Variants in KREMEN1 observed in about 807,000 individuals in gnomAD.
KREMEN1 encodes kringle containing transmembrane protein 1.
Under a neutral mutation model 46.5 loss-of-function variants are expected in KREMEN1, and 30 were observed. The observed-to-expected ratio is 0.65, with a 90% confidence interval of 0.48 to 0.88. KREMEN1 has a LOEUF of 0.88. KREMEN1 is among the 40% of genes least tolerant of loss of function. The pLI is 0.00. For synonymous variants in KREMEN1, 214 were observed against 230.6 expected (o/e 0.93, Z 0.65); for missense variants, 533 against 596.9 (o/e 0.89, Z 1.11).
chr22:29,148,439 T>C (rs973484333), downstream of KREMEN1, among the ~76,000 whole-genome samples: 5 of 151,756 alleles, frequency 3.3e-5, no homozygotes, highest in African/African-American at 1.2e-4. Context: ...AAAGAACCTA[T>C]TGGCAAAATT....
chr22:29,083,432 C>T (rs1317924288), intron 1 of KREMEN1, among the ~76,000 whole-genome samples: 1 of 152,162 alleles, frequency 6.6e-6, no homozygotes, highest in Admixed American at 6.5e-5. Flanking sequence ...GGTTAATGGA[C>T]ATTTTTTTCT....
At chr22:29,135,600 TG>T (rs1271244668) in intron 5 of KREMEN1, among the ~76,000 whole-genome samples, 3 of 152,212 alleles carry the variant, frequency 2.0e-5, no homozygotes, top group Admixed American at 6.6e-5. Context: ...CCGAGTCACT[TG>T]TGAAAGCACT....
At position 29,121,493 on chromosome 22, in the gene KREMEN1, G is replaced by A; in HGVS notation, c.477+12G>A. ...GTCAGAGGTTCAAGGTGATGACTCT[G>A]TGGCTGTGTAACTATAGAAAAATAT... On this transcript the variant is annotated intron_variant, in intron 4 of 8. Transcript: ENST00000400335. 3 of 1,612,350 alleles carry A rather than the reference G, an allele frequency of 1.9e-6. No homozygotes were observed. The highest frequency in any genetic ancestry group is 1.7e-6 in the Non-Finnish European group (2 of 1,179,044).
At position 29,134,222 on chromosome 22, in the gene KREMEN1, A is replaced by G. The variant is rs201885429; in HGVS notation, c.632-3120A>G. 1.3e-4 allele frequency: 19 copies of G among 151,892 alleles called. No homozygotes were observed. The East Asian group carries it at 2.9e-3, about 23-fold the overall frequency. 9.4% of individuals were successfully genotyped at this position (151,892 alleles called of 1,614,324 possible). On this transcript the variant is annotated intron_variant, in intron 5 of 8. Transcript: ENST00000400335. ...ACCTAGGCTGGAGTGCAATGGTGCAATCATAGCTCTCTGCAGCCTTGACCT... is the reference window on the plus strand; with the variant it reads ...ACCTAGGCTGGAGTGCAATGGTGCAGTCATAGCTCTCTGCAGCCTTGACCT...
At chr22:29,158,904 C>T (rs1000980715) in intron 9 of KREMEN1, among the ~76,000 whole-genome samples, 3 of 152,078 alleles carry the variant, frequency 2.0e-5, no homozygotes, top group Admixed American at 6.5e-5. Context: ...CTGCAACCTC[C>T]GCCTCCTGGG....
rs750762887 is a variant in KREMEN1, at chr22:29,145,134, C to T, written c.*3022C>T. 1.6e-4 allele frequency: 156 copies of T among 986,066 alleles called. No individual in the cohort carries two copies. Among genetic ancestry groups the T allele is most frequent in the Non-Finnish European group, 1.7e-4 (143 of 830,262 alleles). The allele number at this position is 986,066 out of a possible 1,614,324, so 61.1% of individuals were successfully genotyped here. ...AAAGTCAGCGACACCCCACAGAAGG[C>T]CACTGCGGCTAGGTAAACACCTGAG... On this transcript the variant is annotated 3_prime_UTR_variant, in exon 9 of 9. Coordinates refer to ENST00000400335, the MANE Select transcript of KREMEN1 (RefSeq NM_001039570.3).
chr22:29,085,661 A>G (rs1210707882), intron 1 of KREMEN1, among the ~76,000 whole-genome samples: 1 of 152,080 alleles, frequency 6.6e-6, no homozygotes, highest in Non-Finnish European at 1.5e-5. Context: ...TTGAAGATGT[A>G]GTTTCTTTTA....
rs548811603 is a variant in KREMEN1 at position 29,074,028 on chromosome 22, G to C, written c.97+801G>C. On this transcript the variant is annotated intron_variant, in intron 1 of 8. Coordinates refer to ENST00000400335, the MANE Select transcript of KREMEN1 (RefSeq NM_001039570.3). ...TCCTCTCCTCCCGCCTACACCGGTG[G>C]AACCCGGCGCCTCCCCGCGCAGAGC... is the stretch of plus-strand genomic sequence containing the variant. Among the ~76,000 whole-genome samples, 47 of 152,336 alleles carry C rather than the reference G, an allele frequency of 3.1e-4. 2 individuals carry two copies. In the South Asian group the frequency reaches 9.5e-3, roughly 31 times the overall value.
Position 29,143,305 on chromosome 22 carries a change from G to T in KREMEN1, c.*1193G>T, listed in dbSNP as rs2038799332. The T allele has an allele frequency of 1.0e-6, 1 of 985,342 alleles. No homozygotes were observed. Among genetic ancestry groups the T allele is most frequent in the South Asian group, 4.7e-5 (1 of 21,290 alleles). 61.0% of individuals were successfully genotyped at this position (985,342 alleles called of 1,614,324 possible). Reference sequence around the variant, plus strand: ...CATGGTCCTATGGAACCTGAGCCAGGCCTCAGTCTCTCCATGATTGGCTCA... The same window carrying T: ...CATGGTCCTATGGAACCTGAGCCAGTCCTCAGTCTCTCCATGATTGGCTCA... On this transcript the variant is annotated 3_prime_UTR_variant, in exon 9 of 9. Transcript: ENST00000400335.
intron 1 of KREMEN1, among the ~76,000 whole-genome samples, chr22:29,077,909 A>T (rs755609445): frequency 1.8e-4 from 27 of 152,096 alleles, no homozygotes; most frequent in African/African-American, 6.0e-4. Flanking sequence ...ATTTTTTTTT[A>T]AAAAGATACG....
At chr22:29,078,835 T>G (rs1377090102) in intron 1 of KREMEN1, among the ~76,000 whole-genome samples, 8 of 152,192 alleles carry the variant, frequency 5.3e-5, no homozygotes, top group Non-Finnish European at 1.2e-4. Context: ...AGGTTTGAAG[T>G]GAGATCCAGC....
rs1269250828 is a variant in KREMEN1, at chr22:29,142,584, T to C, written c.*472T>C. On this transcript the variant is annotated 3_prime_UTR_variant, in exon 9 of 9. Coordinates refer to ENST00000400335, the MANE Select transcript of KREMEN1 (RefSeq NM_001039570.3). ...TGGAACAGGGCCAGACAGGGAGAACTCTCAGGTACTCTTGGGAGTTGGTCC... is the reference window on the plus strand; with the variant it reads ...TGGAACAGGGCCAGACAGGGAGAACCCTCAGGTACTCTTGGGAGTTGGTCC... 2.0e-6 allele frequency: 2 copies of C among 985,670 alleles called. No individual in the cohort carries two copies. The allele number at this position is 985,670 out of a possible 1,614,324, so 61.1% of individuals were successfully genotyped here.
Position 29,073,155 on chromosome 22 carries a change from G to A in KREMEN1, c.25G>A (p.Ala9Thr). Residue 9 changes from alanine (A) to threonine (T), a missense_variant, in exon 1 of 9, where the codon GCC becomes ACC. By Grantham distance (58) the Ala-to-Thr change is moderately conservative. Coordinates refer to ENST00000400335, the MANE Select transcript of KREMEN1 (RefSeq NM_001039570.3). The surrounding 1 kb of genome is among the most constrained non-coding windows in gnomAD (Gnocchi z 4.4). ...CATGGCGCCGCCAGCCGCCCGCCTC[G>A]CCCTGCTCTCCGCCGCGGCGCTCAC... Reference protein sequence around the residue: MAPPAARLALLSAAALTLA... With the variant: MAPPAARLTLLSAAALTLA... The A allele has an allele frequency of 2.6e-6, 3 of 1,140,886 alleles. No homozygotes were observed. The highest frequency in any genetic ancestry group is 3.2e-6 in the Non-Finnish European group (3 of 931,712). 70.7% of individuals were successfully genotyped at this position (1,140,886 alleles called of 1,614,324 possible).
intron 4 of KREMEN1, 113 bp downstream of exon 4, chr22:29,121,594 A>G (rs2038358017): frequency 2.7e-6 from 3 of 1,123,528 alleles, no homozygotes; most frequent in Non-Finnish European, 3.9e-6. Flanking sequence ...AAAAGGCCAC[A>G]TATTGTATGA....
intron 2 of KREMEN1, among the ~76,000 whole-genome samples, chr22:29,097,613 T>G (rs1357236735): frequency 6.6e-6 from 1 of 152,188 alleles, no homozygotes; most frequent in East Asian, 1.9e-4. Context: ...ATTTTATTTT[T>G]TTATTTTTGA....
At chr22:29,164,058 T>TC (rs1340534403) in intron 9 of KREMEN1, among the ~76,000 whole-genome samples, 1 of 151,226 alleles carries the variant, frequency 6.6e-6, no homozygotes, top group Non-Finnish European at 1.5e-5. Flanking sequence ...CAAGGGATCT[T>TC]CCCACCTCAG....
At chr22:29,104,157 A>ATTT (rs35950264) in intron 3 of KREMEN1, among the ~76,000 whole-genome samples, 3 of 140,406 alleles carry the variant, frequency 2.1e-5, no homozygotes, top group Admixed American at 7.2e-5. Flanking sequence ...CTAAATTGTA[A>ATTT]TTTTTTTTTT....
At chr22:29,083,106 C>T (rs763203067) in intron 1 of KREMEN1, among the ~76,000 whole-genome samples, 13 of 152,044 alleles carry the variant, frequency 8.6e-5, no homozygotes, top group African/African-American at 2.4e-4. Flanking sequence ...GACAGCTTTT[C>T]GCTATGTTGC....
intron 3 of KREMEN1, among the ~76,000 whole-genome samples, chr22:29,106,671 C>T (rs1271168943): frequency 6.6e-6 from 1 of 152,114 alleles, no homozygotes; most frequent in Non-Finnish European, 1.5e-5. Context: ...AGTGCCTTTT[C>T]CTTCTAGCAC....
Sources: gnomAD v4.1 joint callset for allele counts (sites outside exome capture counted in the v4.1 genomes callset) on GRCh38, gnomAD v4.1.1 for gene constraint, Gnocchi (gnomAD v3.1) non-coding constraint, MANE v1.5 for transcripts, NCBI Gene and HGNC (gene_info 2026-07-23, HGNC 2026-07-21) for gene names.